The following PLEKHB2 variants were observed in gnomAD, a reference collection of about 807,000 sequenced individuals.
PLEKHB2 encodes pleckstrin homology domain containing B2.
In PLEKHB2, 31 loss-of-function variants were observed where a neutral mutation model predicts 36.5. The ratio of observed to expected loss-of-function variants is 0.85; its 90% CI spans 0.64 to 1.15. PLEKHB2 has a LOEUF of 1.15. Ranked by LOEUF, PLEKHB2 falls within the 50% of genes most tolerant of loss-of-function variation. The pLI, the probability that PLEKHB2 is intolerant of heterozygous loss-of-function variation, is 0.00. For synonymous variants in PLEKHB2, 119 were observed against 112.0 expected, an observed-to-expected ratio of 1.06 and a Z score of -0.39; for missense variants, 262 against 295.3, an observed-to-expected ratio of 0.89 and a Z score of 0.83.
In PLEKHB2 at chr2:131,130,746, T is replaced by G; in HGVS notation, c.319T>G (p.Ser107Ala). The G allele has an allele frequency of 6.2e-7, 1 of 1,611,882 alleles. No homozygotes were observed. The highest frequency in any genetic ancestry group is 8.5e-7 in the Non-Finnish European group (1 of 1,178,214). The change falls in exon 5 of 8, where the codon TCT (serine) becomes GCT (alanine). Residue 107 changes from serine to alanine, a missense_variant. Coordinates refer to ENST00000693505, the MANE Select transcript of PLEKHB2 (RefSeq NM_001100623.2). ...GGCCTGGAAATTTACACTCCAAGAT[T>G]CTAGGACAAACACAGTAAGTTGCTA... ...CLAWKFTLQD[S>A]RTNTAYVGSA... is the part of the protein sequence containing the mutation.
chr2:131,147,567 G>C lies in PLEKHB2; in HGVS notation c.*794G>C, dbSNP rs1309254634. The stretch of plus-strand genomic sequence containing the variant: ...TAATCCCAGCACTTTGAGAGACCGA[G>C]GCGGGCGGATCACGAGGTCAGGAGA... On this transcript the variant is annotated 3_prime_UTR_variant, in exon 8 of 8. Coordinates refer to ENST00000693505, the MANE Select transcript of PLEKHB2 (RefSeq NM_001100623.2). 1 of 152,288 alleles carries C rather than the reference G, an allele frequency of 6.6e-6. No homozygotes were observed. The highest frequency in any genetic ancestry group is 1.5e-5 in the Non-Finnish European group (1 of 68,106). The allele number at this position is 152,288 out of a possible 1,614,324, so 9.4% of individuals were successfully genotyped here. A position where few individuals can be genotyped will look rare whatever the true frequency, so the allele number is the denominator to read the frequency against.
chr2:131,137,140 G>T (rs574848362), intron 6 of PLEKHB2, among the ~76,000 whole-genome samples: 3 of 149,062 alleles, frequency 2.0e-5, no homozygotes, highest in Non-Finnish European at 4.4e-5. Context: ...GTAGAGACGG[G>T]GTTTCACTGT....
intron 3 of PLEKHB2, 46 bp downstream of exon 3, chr2:131,125,951 T>C (rs778914343): frequency 5.8e-5 from 91 of 1,576,148 alleles, no homozygotes; most frequent in East Asian, 1.8e-4. Context: ...GCTCTTCCTC[T>C]GTCTTGCTGG....
At chr2:131,143,830 G>T (rs560246122) in intron 7 of PLEKHB2, among the ~76,000 whole-genome samples, 1 of 152,184 alleles carries the variant, frequency 6.6e-6, no homozygotes, top group Non-Finnish European at 1.5e-5. Context: ...GGCTGTTGCC[G>T]CTGTTTCTTA....
chr2:131,130,987 C>T lies in PLEKHB2; in HGVS notation c.333+227C>T, dbSNP rs185196880. Among the ~76,000 whole-genome samples the T allele has an allele frequency of 2.6e-5, 4 of 152,274 alleles. No homozygotes were observed. In the East Asian group the frequency reaches 7.7e-4, roughly 29 times the overall value. ...ATTTTTTTGTAGAGACGAAGTCTCA[C>T]TATATTACCCATGCTGGTATCCAAC... On this transcript the variant is annotated intron_variant, in intron 5 of 7. Transcript: ENST00000693505.
Position 131,148,409 on chromosome 2 carries a change from G to A in PLEKHB2, c.*1636G>A, listed in dbSNP as rs1207324808. Reference sequence around the variant, plus strand: ...AAGCTCTGAATTATTGCAGTTTTCTGTCCTGCATGCTTTCAACAGTGTGCT... The same window carrying A: ...AAGCTCTGAATTATTGCAGTTTTCTATCCTGCATGCTTTCAACAGTGTGCT... On this transcript the variant is annotated 3_prime_UTR_variant, in exon 8 of 8. Transcript: ENST00000693505. 6.6e-6 allele frequency: 1 copy of A among 152,152 alleles called. No homozygotes were observed. The highest frequency in any genetic ancestry group is 6.5e-5 in the Admixed American group (1 of 15,274). The allele number at this position is 152,152 out of a possible 1,614,324, so 9.4% of individuals were successfully genotyped here. A position where few individuals can be genotyped will look rare whatever the true frequency, so the allele number is the denominator to read the frequency against.
At chr2:131,124,846 T>C (rs1221111076) in intron 2 of PLEKHB2, among the ~76,000 whole-genome samples, 2 of 151,768 alleles carry the variant, frequency 1.3e-5, no homozygotes, top group Non-Finnish European at 2.9e-5. Flanking sequence ...AGGGCAGTGG[T>C]GCGATCTTGG....
At chr2:131,133,149 C>A in intron 6 of PLEKHB2, 158 bp downstream of exon 6, 1 of 609,556 alleles carries the variant, frequency 1.6e-6, no homozygotes, top group South Asian at 2.1e-5. Flanking sequence ...TGAAATGAAG[C>A]AACTATTTTA....
At position 131,140,254 on chromosome 2, in the gene PLEKHB2, C is replaced by T; in HGVS notation, c.511C>T (p.Pro171Ser). Residue 171 changes from proline (P) to serine (S), a missense_variant, in exon 7 of 8, where the codon CCC (proline) becomes TCC (serine). By Grantham distance (74) the Pro-to-Ser change is moderately conservative. Transcript: ENST00000693505. ...TGCGAATGGGCAGGCGTATGCCGTG[C>T]CCTACCAGTACCCATATGCAGGTAA... The part of the protein sequence containing the change: ...YAANGQAYAV[P>S]YQYPYAGLYG... 3 of 1,605,070 alleles carry T rather than the reference C, an allele frequency of 1.9e-6. No homozygotes were observed. Among genetic ancestry groups the T allele is most frequent in the Non-Finnish European group, 2.6e-6 (3 of 1,172,090 alleles).
At chr2:131,114,359 C>G (rs1030461536) in intron 1 of PLEKHB2, among the ~76,000 whole-genome samples, 1 of 152,170 alleles carries the variant, frequency 6.6e-6, no homozygotes, top group African/African-American at 2.4e-5. Context: ...CTCCTGACCT[C>G]GTGATCCACC....
chr2:131,120,956 G>T lies in PLEKHB2; in HGVS notation c.15G>T (p.Lys5Asn). The T allele has an allele frequency of 2.5e-6, 4 of 1,614,232 alleles. No homozygotes were observed. The South Asian group carries it at 4.4e-5, about 18-fold the overall frequency. Residue 5 changes from lysine to asparagine, a missense_variant, in exon 2 of 8, where the codon AAG becomes AAT. Lys to Asn is a moderately conservative substitution (Grantham distance 94, BLOSUM62 0). Transcript: ENST00000693505. The stretch of plus-strand genomic sequence containing the variant: ...TAGGTGAAGAGATGGCGTTTGTGAA[G>T]AGTGGCTGGTTGCTGCGACAGAGTG... MAFVKSGWLLRQSTI... is the reference protein window; with the variant it reads MAFVNSGWLLRQSTI...
chr2:131,132,814 A>G lies in PLEKHB2; in HGVS notation c.334-88A>G, dbSNP rs999937093. 37 of 736,910 alleles carry G rather than the reference A, an allele frequency of 5.0e-5. No individual in the cohort carries two copies. In the African/African-American group the frequency reaches 6.2e-4, roughly 12 times the overall value. 45.6% of individuals were successfully genotyped at this position (736,910 alleles called of 1,614,324 possible). On this transcript the variant is annotated intron_variant, in intron 5 of 7. Transcript: ENST00000693505. ...ATCTTTTTGTTTTTTTAAATTTTTA[A>G]TTTGCTAAATAAAAGGGACAATGCA...
chr2:131,121,065 C>G (rs755276414), intron 2 of PLEKHB2, 87 bp downstream of exon 2: 281 of 1,343,074 alleles, frequency 2.1e-4, no homozygotes, highest in Non-Finnish European at 2.7e-4. Flanking sequence ...TATTTAAAAG[C>G]AAATAACAAA....
intron 1 of PLEKHB2, among the ~76,000 whole-genome samples, chr2:131,117,746 A>G (rs1317542255): frequency 6.6e-6 from 1 of 151,890 alleles, no homozygotes; most frequent in Non-Finnish European, 1.5e-5. Context: ...TGGGTTAATA[A>G]CCCCACTGCA....
In PLEKHB2 at chr2:131,149,442, C is replaced by A. The variant is rs577207227; in HGVS notation, c.*2669C>A. 6.6e-6 allele frequency: 1 copy of A among 152,254 alleles called. No individual in the cohort carries two copies. Among genetic ancestry groups the A allele is most frequent in the Admixed American group, 6.5e-5 (1 of 15,292 alleles). The allele number at this position is 152,254 out of a possible 1,614,324, so 9.4% of individuals were successfully genotyped here. The stretch of plus-strand genomic sequence containing the variant: ...GCTGATCTGATTGTTCTTTTCATTC[C>A]TTGAGTCAACTTCAGGGTCTTGGAT... On this transcript the variant is annotated 3_prime_UTR_variant, in exon 8 of 8. Transcript: ENST00000693505.
chr2:131,123,374 A>G (rs1301358985), intron 2 of PLEKHB2, among the ~76,000 whole-genome samples: 1 of 152,192 alleles, frequency 6.6e-6, no homozygotes, highest in Admixed American at 6.5e-5. Context: ...TGCCATTGCC[A>G]CATGTACTGT....
At chr2:131,146,400 G>C (rs370797436) in intron 7 of PLEKHB2, among the ~76,000 whole-genome samples, 1 of 152,098 alleles carries the variant, frequency 6.6e-6, no homozygotes, top group African/African-American at 2.4e-5. Flanking sequence ...CTTCATTAGG[G>C]TTCTGCTTTT....
At chr2:131,129,995 A>G (rs1409847579) in intron 4 of PLEKHB2, among the ~76,000 whole-genome samples, 4 of 151,932 alleles carry the variant, frequency 2.6e-5, no homozygotes, top group Non-Finnish European at 5.9e-5. Context: ...CCCTGTGGAG[A>G]TGTTTACATA....
At chr2:131,116,418 C>T (rs1219371251) in intron 1 of PLEKHB2, among the ~76,000 whole-genome samples, 3 of 152,122 alleles carry the variant, frequency 2.0e-5, no homozygotes, top group African/African-American at 7.2e-5. Context: ...TACCTGAGAC[C>T]GGGTAATTTA....
Sources: allele counts gnomAD v4.1 joint callset (sites outside exome capture counted in the v4.1 genomes callset), GRCh38; gene constraint gnomAD v4.1.1; transcripts MANE v1.5; gene names NCBI Gene and HGNC (gene_info 2026-07-23, HGNC 2026-07-21).